The following MTIF2 variants were observed in gnomAD, a reference collection of about 807,000 sequenced individuals.
The protein encoded by MTIF2 is mitochondrial translational initiation factor 2, also known as translation initiation factor IF-2, mitochondrial.
Under a neutral mutation model 83.5 loss-of-function variants are expected in MTIF2, and 71 were observed. The observed-to-expected ratio is 0.85, with a 90% CI of 0.70 to 1.04. MTIF2 has a LOEUF of 1.04. Ranked by LOEUF, MTIF2 falls within the 50% of genes least tolerant of loss-of-function variation. The probability of loss-of-function intolerance (pLI) is 0.00; values close to 1 mark genes in which losing one functional copy is unlikely to be tolerated. For synonymous variants in MTIF2, 319 were observed against 287.1 expected, an observed-to-expected ratio of 1.11 and a Z score of -1.12; for missense variants, 957 against 846.5, an observed-to-expected ratio of 1.13 and a Z score of -1.62.
At chr2:55,267,252 G>A (rs973990538) in intron 3 of MTIF2, among the ~76,000 whole-genome samples, 2 of 151,884 alleles carry the variant, frequency 1.3e-5, no homozygotes, top group Non-Finnish European at 1.5e-5. Context: ...CACCTGCTGG[G>A]TTCAGGGGAT....
rs765482157 is a variant in MTIF2, at chr2:55,243,503, G to A, written c.1477C>T (p.Arg493Trp). The change falls in exon 12 of 16, where the codon CGG becomes TGG. Residue 493 changes from arginine to tryptophan, a missense_variant. Transcript: ENST00000263629. ...HLLWKKRSILRFLERKEQIPL... is the reference protein window; with the variant it reads ...HLLWKKRSILWFLERKEQIPL... ...ATTTGTTCTTTTCTTTCTAAAAACC[G>A]TAGAATTGATCTCTTCTTCCACAGT... The A allele has an allele frequency of 1.2e-5, 20 of 1,613,684 alleles. No individual in the cohort carries two copies. Among genetic ancestry groups the A allele is most frequent in the Non-Finnish European group, 1.6e-5 (19 of 1,179,940 alleles).
At chr2:55,255,402 T>C in intron 5 of MTIF2, among the ~76,000 whole-genome samples, 2 of 146,318 alleles carry the variant, frequency 1.4e-5, no homozygotes, top group East Asian at 3.9e-4. Context: ...TAGTATTATA[T>C]ATAATATATA....
At chr2:55,252,231 A>T (rs539914890) in intron 8 of MTIF2, among the ~76,000 whole-genome samples, 3 of 152,326 alleles carry the variant, frequency 2.0e-5, no homozygotes, top group Admixed American at 1.3e-4. Context: ...AAGTTGAAAA[A>T]AAAAGGGCAT....
At chr2:55,267,370 G>C (rs909536801) in intron 3 of MTIF2, among the ~76,000 whole-genome samples, 199 bp downstream of exon 3, 1 of 151,860 alleles carries the variant, frequency 6.6e-6, no homozygotes, top group Non-Finnish European at 1.5e-5. Flanking sequence ...TGTTGGCCAG[G>C]CTGGTCTTGA....
intron 8 of MTIF2, among the ~76,000 whole-genome samples, chr2:55,250,117 A>G (rs750396582): frequency 2.6e-5 from 4 of 151,866 alleles, no homozygotes; most frequent in Non-Finnish European, 5.9e-5. Flanking sequence ...AAACAATACA[A>G]TCATCCCTGG....
chr2:55,237,148 AT>A (rs1675896455), intron 15 of MTIF2, 139 bp downstream of exon 15: 5 of 996,310 alleles, frequency 5.0e-6, no homozygotes, highest in Non-Finnish European at 7.3e-6. Context: ...ACTACAGACA[AT>A]TTAGGGGTTT....
chr2:55,254,592 A>T, intron 6 of MTIF2, 62 bp downstream of exon 6: 1 of 1,318,482 alleles, frequency 7.6e-7, no homozygotes, highest in Admixed American at 2.7e-5. Context: ...TTCCATTAAA[A>T]AGTGTAAATA....
At chr2:55,245,389 G>T (rs1433055127) in intron 10 of MTIF2, among the ~76,000 whole-genome samples, 1 of 152,160 alleles carries the variant, frequency 6.6e-6, no homozygotes, top group Non-Finnish European at 1.5e-5. Context: ...AGGCATGGTG[G>T]TGGGTGCCTG....
intron 11 of MTIF2, 88 bp downstream of exon 11, chr2:55,243,941 A>G (rs922573508): frequency 1.1e-5 from 13 of 1,164,300 alleles, no homozygotes; most frequent in South Asian, 1.6e-5. Context: ...ATTTGTTAAC[A>G]TTAATACACA....
At position 55,242,939 on chromosome 2, in the gene MTIF2, C is replaced by A. The variant is rs1353280202; in HGVS notation, c.1705+1G>T. The A allele has an allele frequency of 1.2e-5, 19 of 1,605,054 alleles. No individual in the cohort carries two copies. The highest frequency in any genetic ancestry group is 3.4e-6 in the Non-Finnish European group (4 of 1,177,052). On this transcript the variant is annotated splice_donor_variant, in intron 13 of 15. Coordinates refer to ENST00000263629, the MANE Select transcript of MTIF2 (RefSeq NM_002453.3). LOFTEE classifies it high-confidence loss of function. The stretch of plus-strand genomic sequence containing the variant: ...TTAACAAGAAGAAATGGAATCCTTA[C>A]CATCAAATGTTTCAGCAAGGTTAAC...
intron 5 of MTIF2, among the ~76,000 whole-genome samples, chr2:55,260,139 C>T (rs1474914240): frequency 6.6e-6 from 1 of 152,098 alleles, no homozygotes; most frequent in Non-Finnish European, 1.5e-5. Flanking sequence ...GTGGCTCACG[C>T]CTGTAATCTC....
chr2:55,237,858 C>T, intron 14 of MTIF2, among the ~76,000 whole-genome samples: 1 of 151,940 alleles, frequency 6.6e-6, no homozygotes, highest in Admixed American at 6.6e-5. Context: ...ACCATGTTGG[C>T]CAGGCTGGTC....
At chr2:55,239,784 C>T (rs1384162288) in intron 14 of MTIF2, among the ~76,000 whole-genome samples, 1 of 152,100 alleles carries the variant, frequency 6.6e-6, no homozygotes, top group African/African-American at 2.4e-5. Flanking sequence ...AGGGCAAGTT[C>T]CTAATTCCTT....
At chr2:55,249,977 C>A (rs1676978884) in intron 8 of MTIF2, among the ~76,000 whole-genome samples, 3 of 152,078 alleles carry the variant, frequency 2.0e-5, no homozygotes, top group Admixed American at 2.0e-4. Flanking sequence ...CCTGTAATCC[C>A]AGCTACTTGG....
intron 14 of MTIF2, among the ~76,000 whole-genome samples, chr2:55,239,519 C>T (rs1392485305): frequency 2.6e-5 from 4 of 151,804 alleles, no homozygotes; most frequent in Non-Finnish European, 5.9e-5. Flanking sequence ...ACAAAATCTA[C>T]GTGGGGAGGA....
intron 5 of MTIF2, among the ~76,000 whole-genome samples, chr2:55,261,544 T>C (rs1471587751): frequency 1.3e-5 from 2 of 149,672 alleles, no homozygotes; most frequent in Non-Finnish European, 3.0e-5. Flanking sequence ...GAGGCGGAGG[T>C]TGCAGGGAGC....
chr2:55,253,900 T>C (rs1157128101), intron 7 of MTIF2, 141 bp downstream of exon 7: 1 of 854,442 alleles, frequency 1.2e-6, no homozygotes, highest in East Asian at 2.8e-5. Context: ...ACTAACCACT[T>C]GCTCTACATT....
chr2:55,247,284 C>T (rs2920965), intron 9 of MTIF2, among the ~76,000 whole-genome samples: 11,752 of 152,250 alleles, frequency 0.077, 665 homozygotes, highest in East Asian at 0.25. Context: ...GGGCCGGGCA[C>T]GGTGGCTCAT....
At chr2:55,246,719 G>A (rs1676727646) in intron 9 of MTIF2, among the ~76,000 whole-genome samples, 1 of 152,166 alleles carries the variant, frequency 6.6e-6, no homozygotes, top group Admixed American at 6.5e-5. Context: ...CAAGGAACAA[G>A]TGGCTATTTT....
Sources: allele counts gnomAD v4.1 joint callset (sites outside exome capture counted in the v4.1 genomes callset), GRCh38; gene constraint gnomAD v4.1.1; transcripts MANE v1.5; gene names NCBI Gene and HGNC (gene_info 2026-07-23, HGNC 2026-07-21).